The following SPMIP2 variants were observed in gnomAD, a reference collection of about 807,000 sequenced individuals.
SPMIP2 encodes the protein sperm microtubule inner protein 2.
the SPMIP2 span, among the ~76,000 whole-genome samples, chr4:158,981,278 C>T: frequency 6.6e-6 from 1 of 152,180 alleles, no homozygotes; most frequent in Non-Finnish European, 1.5e-5. Flanking sequence ...TTGGAAAACA[C>T]TCTTCAGGAT....
the SPMIP2 span, among the ~76,000 whole-genome samples, chr4:158,935,095 A>G: frequency 6.6e-6 from 1 of 152,164 alleles, no homozygotes; most frequent in African/African-American, 2.4e-5. Flanking sequence ...CTTTTTCCCT[A>G]TACTGCAATT....
the SPMIP2 span, among the ~76,000 whole-genome samples, chr4:158,942,255 C>T: frequency 6.6e-6 from 1 of 152,222 alleles, no homozygotes; most frequent in African/African-American, 2.4e-5. Context: ...ATAGCAGCAT[C>T]TTGGAATCTA....
the SPMIP2 span, among the ~76,000 whole-genome samples, chr4:159,015,962 A>C: frequency 6.6e-6 from 1 of 152,204 alleles, no homozygotes; most frequent in Non-Finnish European, 1.5e-5. Context: ...AACTACAGCA[A>C]AGCTGGGTGA....
chr4:158,917,720 C>CTTTTTTTTTTTTTTTTTTT, the SPMIP2 span, among the ~76,000 whole-genome samples: 1 of 70,288 alleles, frequency 1.4e-5, no homozygotes, highest in Non-Finnish European at 2.6e-5. Context: ...CACTATTTGA[C>CTTTTTTTTTTTTTTTTTTT]TTTTTTTTTT....
the SPMIP2 span, among the ~76,000 whole-genome samples, chr4:159,025,837 G>A: frequency 6.6e-6 from 1 of 152,118 alleles, no homozygotes; most frequent in Non-Finnish European, 1.5e-5. Flanking sequence ...GAGTTCAAAA[G>A]AGTTAAGGGG....
chr4:158,922,554 GATC>G, the SPMIP2 span, among the ~76,000 whole-genome samples: 1 of 152,178 alleles, frequency 6.6e-6, no homozygotes, highest in African/African-American at 2.4e-5. Flanking sequence ...CAGATTGTTA[GATC>G]ATATCATTCA....
At chr4:158,929,302 G>A in the SPMIP2 span, among the ~76,000 whole-genome samples, 5 of 152,240 alleles carry the variant, frequency 3.3e-5, no homozygotes, top group Non-Finnish European at 5.9e-5. Flanking sequence ...ACAGGCATAA[G>A]CCAACATACC....
chr4:158,895,713 C>T, the SPMIP2 span: 1 of 1,306,926 alleles, frequency 7.7e-7, no homozygotes, highest in African/African-American at 1.5e-5. Context: ...AGAGATTTGA[C>T]TTCTAGCCCT....
the SPMIP2 span, among the ~76,000 whole-genome samples, chr4:158,990,384 C>T: frequency 6.6e-6 from 1 of 152,126 alleles, no homozygotes; most frequent in Non-Finnish European, 1.5e-5. Context: ...TGGGTATATC[C>T]CCAAAGGATT....
chr4:158,958,088 C>A, the SPMIP2 span, among the ~76,000 whole-genome samples: 1 of 152,074 alleles, frequency 6.6e-6, no homozygotes, highest in Non-Finnish European at 1.5e-5. Flanking sequence ...ACCTCCCGGG[C>A]TCAAGTGTTC....
chr4:158,972,725 C>A, the SPMIP2 span, among the ~76,000 whole-genome samples: 1 of 152,172 alleles, frequency 6.6e-6, no homozygotes, highest in African/African-American at 2.4e-5. Context: ...TATGGGATGC[C>A]CAGCACAGGC....
At chr4:158,978,590 C>A in the SPMIP2 span, among the ~76,000 whole-genome samples, 1 of 152,158 alleles carries the variant, frequency 6.6e-6, no homozygotes, top group Non-Finnish European at 1.5e-5. Flanking sequence ...CTTTATGAAT[C>A]TGGGTGCTCC....
the SPMIP2 span, among the ~76,000 whole-genome samples, chr4:158,921,973 C>T: frequency 1.2e-4 from 18 of 150,480 alleles, no homozygotes; most frequent in Non-Finnish European, 2.7e-4. Context: ...CTGCAAGTTC[C>T]ACCTCCTGGG....
the SPMIP2 span, among the ~76,000 whole-genome samples, chr4:158,946,621 C>T: frequency 6.6e-6 from 1 of 152,232 alleles, no homozygotes; most frequent in East Asian, 1.9e-4. Context: ...CCATGCAGAA[C>T]TGTGCACCAA....
chr4:158,954,433 C>T, the SPMIP2 span, among the ~76,000 whole-genome samples: 1 of 152,160 alleles, frequency 6.6e-6, no homozygotes. Flanking sequence ...TCTTTTTCTT[C>T]CCAGCCTCAA....
chr4:159,016,725 T>C, the SPMIP2 span, among the ~76,000 whole-genome samples: 1 of 152,198 alleles, frequency 6.6e-6, no homozygotes. Flanking sequence ...TCAATTTCGC[T>C]TTTTTGACAG....
At chr4:158,989,581 C>G in the SPMIP2 span, among the ~76,000 whole-genome samples, 1 of 151,940 alleles carries the variant, frequency 6.6e-6, no homozygotes, top group Non-Finnish European at 1.5e-5. Flanking sequence ...ACACCATACA[C>G]CTACAACCAT....
At chr4:158,922,078 T>C in the SPMIP2 span, among the ~76,000 whole-genome samples, 13 of 152,096 alleles carry the variant, frequency 8.5e-5, no homozygotes, top group South Asian at 2.7e-3. Flanking sequence ...TTAGTAGAGA[T>C]GGGGTTTCAC....
At chr4:159,015,678 A>G in the SPMIP2 span, among the ~76,000 whole-genome samples, 1 of 152,240 alleles carries the variant, frequency 6.6e-6, no homozygotes, top group Non-Finnish European at 1.5e-5. Flanking sequence ...TGTAATTTGT[A>G]TATAAATATG....
Sources: gnomAD v4.1 joint callset for allele counts (sites outside exome capture counted in the v4.1 genomes callset) on GRCh38, gnomAD v4.1.1 for gene constraint, MANE v1.5 for transcripts, NCBI Gene and HGNC (gene_info 2026-07-23, HGNC 2026-07-21) for gene names.